TEAD1: variants seen among roughly 807,000 people sequenced by gnomAD.
TEAD1 encodes transcriptional enhancer factor TEF-1.
In TEAD1, 9 loss-of-function variants were observed where a neutral mutation model predicts 54.9. The ratio of observed to expected loss-of-function variants is 0.16; its 90% confidence interval spans 0.10 to 0.29. TEAD1 has a LOEUF of 0.29. Ranked by LOEUF, TEAD1 falls within the 10% of genes least tolerant of loss-of-function variation. The pLI, the probability that TEAD1 is intolerant of heterozygous loss-of-function variation, is 1.00. For synonymous variants in TEAD1, 200 were observed against 187.8 expected (o/e 1.07, Z -0.53); for missense variants, 387 against 535.9 (o/e 0.72, Z 2.74).
intron 2 of TEAD1, among the ~76,000 whole-genome samples, chr11:12,721,483 A>G (rs988988893): frequency 6.6e-6 from 1 of 152,222 alleles, no homozygotes; most frequent in Non-Finnish European, 1.5e-5. Context: ...CTGACACTAT[A>G]GTGGGGAGGA....
chr11:12,868,343 G>C (rs1285305723), intron 5 of TEAD1, among the ~76,000 whole-genome samples: 3 of 152,186 alleles, frequency 2.0e-5, no homozygotes, highest in Admixed American at 2.0e-4. Context: ...GAAGGAAAAG[G>C]AGGTGTCTAC....
intron 9 of TEAD1, among the ~76,000 whole-genome samples, chr11:12,893,185 G>T (rs1010791684): frequency 7.9e-5 from 12 of 152,336 alleles, no homozygotes; most frequent in African/African-American, 2.4e-4. Flanking sequence ...GGGGAGGAAG[G>T]CTGCAGCTGA....
intron 9 of TEAD1, among the ~76,000 whole-genome samples, chr11:12,900,558 T>G (rs1948408191): frequency 6.6e-6 from 1 of 152,192 alleles, no homozygotes; most frequent in Admixed American, 6.5e-5. Context: ...TTTAGAGACT[T>G]GAGAGGCACT....
At chr11:12,757,492 C>T (rs1381853143) in intron 2 of TEAD1, among the ~76,000 whole-genome samples, 1 of 152,222 alleles carries the variant, frequency 6.6e-6, no homozygotes, top group South Asian at 2.1e-4. Context: ...CCCTCTAACA[C>T]AGAAGGACTA....
At chr11:12,821,976 T>TTTTTTTTTTTTTC (rs1946558164) in intron 3 of TEAD1, among the ~76,000 whole-genome samples, 1 of 125,090 alleles carries the variant, frequency 8.0e-6, no homozygotes, top group Non-Finnish European at 1.7e-5. Context: ...TTTTTTTTTT[T>TTTTTTTTTTTTTC]TTTTTGAGAC....
At chr11:12,804,381 T>G (rs1311422378) in intron 3 of TEAD1, among the ~76,000 whole-genome samples, 1 of 152,224 alleles carries the variant, frequency 6.6e-6, no homozygotes, top group Admixed American at 6.5e-5. Flanking sequence ...TTCGCTTCTT[T>G]CTCTGAAAAC....
intron 3 of TEAD1, among the ~76,000 whole-genome samples, chr11:12,805,714 T>A (rs1274380440): frequency 6.6e-6 from 1 of 152,212 alleles, no homozygotes; most frequent in Non-Finnish European, 1.5e-5. Flanking sequence ...AAATTGTGTC[T>A]GTGTCTACAG....
intron 2 of TEAD1, among the ~76,000 whole-genome samples, chr11:12,763,771 A>T (rs954040169): frequency 6.6e-6 from 1 of 152,228 alleles, no homozygotes; most frequent in Non-Finnish European, 1.5e-5. Flanking sequence ...CCTGGTAGAT[A>T]GTAGGCACTC....
chr11:12,733,535 C>T (rs1320211397), intron 2 of TEAD1, among the ~76,000 whole-genome samples: 1 of 152,180 alleles, frequency 6.6e-6, no homozygotes, highest in Non-Finnish European at 1.5e-5. Context: ...ACAGCTTCTT[C>T]ATTGGTGGAA....
chr11:12,719,994 TGG>T (rs748218517), intron 2 of TEAD1, among the ~76,000 whole-genome samples: 1 of 49,464 alleles, frequency 2.0e-5, no homozygotes, highest in Non-Finnish European at 3.2e-5. Flanking sequence ...TTTTTTTTTT[TGG>T]GGGGGGACCC....
intron 2 of TEAD1, among the ~76,000 whole-genome samples, chr11:12,711,676 T>C (rs1943941867): frequency 6.6e-6 from 1 of 152,174 alleles, no homozygotes; most frequent in Admixed American, 6.5e-5. Context: ...AAACAGGCCC[T>C]TTACCCTCTG....
At chr11:12,823,502 G>C (rs1366001092) in intron 3 of TEAD1, 1 of 152,222 alleles carries the variant, frequency 6.6e-6, no homozygotes, top group Non-Finnish European at 1.5e-5. Flanking sequence ...AGGTGGGCAT[G>C]CTGGGGACCT....
intron 3 of TEAD1, among the ~76,000 whole-genome samples, chr11:12,780,557 C>T (rs1432039493): frequency 6.6e-6 from 1 of 152,084 alleles, no homozygotes; most frequent in Non-Finnish European, 1.5e-5. Flanking sequence ...GATTGTATTT[C>T]TGTACTTAAC....
intron 2 of TEAD1, among the ~76,000 whole-genome samples, chr11:12,716,144 A>G (rs1944057736): frequency 6.6e-6 from 1 of 151,798 alleles, no homozygotes; most frequent in Admixed American, 6.6e-5. Context: ...CTTCCGGCCG[A>G]GGGATGGGAG....
intron 5 of TEAD1, 184 bp downstream of exon 5, chr11:12,865,084 T>C: frequency 1.4e-6 from 1 of 713,340 alleles, no homozygotes; most frequent in Non-Finnish European, 2.5e-6. Flanking sequence ...AAACTCAATG[T>C]GTGTGAGCGC....
At chr11:12,875,488 A>C in intron 5 of TEAD1, among the ~76,000 whole-genome samples, 1 of 152,220 alleles carries the variant, frequency 6.6e-6, no homozygotes, top group East Asian at 1.9e-4. Flanking sequence ...TCTGATTTCA[A>C]GATATCCCTG....
chr11:12,725,324 C>T (rs1268749367), intron 2 of TEAD1, among the ~76,000 whole-genome samples: 1 of 152,152 alleles, frequency 6.6e-6, no homozygotes, highest in East Asian at 1.9e-4. Flanking sequence ...TTATAACATT[C>T]ATTCATTAAG....
chr11:12,754,537 A>C (rs1944946407), intron 2 of TEAD1, among the ~76,000 whole-genome samples: 1 of 152,206 alleles, frequency 6.6e-6, no homozygotes, highest in African/African-American at 2.4e-5. Flanking sequence ...ATGAAAATAT[A>C]AACAGTGGGA....
At chr11:12,814,777 CTGTGTGTGTGTGTG>C (rs397842274) in intron 3 of TEAD1, among the ~76,000 whole-genome samples, 9,973 of 105,588 alleles carry the variant, frequency 0.094, 630 homozygotes, top group Admixed American at 0.18. Flanking sequence ...TCGCAGAGCT[CTGTGTGTGTGTGTG>C]TGTGTGTGTG....
Sources: allele counts gnomAD v4.1 joint callset (sites outside exome capture counted in the v4.1 genomes callset), GRCh38; gene constraint gnomAD v4.1.1; transcripts MANE v1.5; gene names NCBI Gene and HGNC (gene_info 2026-07-23, HGNC 2026-07-21).